The following CDH13 variants were observed in gnomAD, a reference collection of about 807,000 sequenced individuals.
The protein encoded by CDH13 is cadherin 13, also known as cadherin-13.
CDH13 carries 24 observed loss-of-function variants against 63.8 expected under a neutral mutation model. The ratio of observed to expected loss-of-function variants is 0.38; its 90% CI spans 0.27 to 0.53. The LOEUF is 0.53. Ranked by LOEUF, CDH13 falls within the 20% of genes least tolerant of loss-of-function variation. CDH13 has a pLI of 0.85. For missense variants in CDH13, 1,049 were observed against 903.1 expected (o/e 1.16, Z -2.07); for synonymous variants, 503 against 355.3 (o/e 1.42, Z -4.67).
chr16:82,742,796 A>C (rs1048712283), intron 1 of CDH13, among the ~76,000 whole-genome samples: 6 of 152,224 alleles, frequency 3.9e-5, no homozygotes, highest in Non-Finnish European at 8.8e-5. Context: ...TTTAAAATAG[A>C]AACTATCCAT....
intron 2 of CDH13, among the ~76,000 whole-genome samples, chr16:82,862,356 C>A (rs1010571187): frequency 2.0e-5 from 3 of 152,188 alleles, no homozygotes; most frequent in African/African-American, 7.2e-5. Context: ...CTATGTTCTG[C>A]AAAATTATAA....
rs1304934076 is a variant in CDH13 at position 83,006,916 on chromosome 16, G to GTTTT, written c.158-25091_158-25090insTTTT. On this transcript the variant is annotated intron_variant, in intron 2 of 13. Transcript: ENST00000567109. Reference sequence around the variant, plus strand: ...CAGTTTTGATTTTTTTTGTTTGTTTGTTTGTTTGTTTGTTTGTTTTTTTTG... The same window carrying GTTTT: ...CAGTTTTGATTTTTTTTGTTTGTTTGTTTTTTTGTTTGTTTGTTTGTTTTTTTTG... Among the ~76,000 whole-genome samples, 4 of 120,376 alleles carry GTTTT rather than the reference G, an allele frequency of 3.3e-5. 1 individual carries two copies. The highest frequency in any genetic ancestry group is 1.2e-4 in the African/African-American group (4 of 33,044). The allele number at this position is 120,376 out of a possible 152,430, so 79.0% of individuals were successfully genotyped here. A position where few individuals can be genotyped will look rare whatever the true frequency, so the allele number is the denominator to read the frequency against.
chr16:83,770,089 A>G (rs548150498), intron 11 of CDH13, among the ~76,000 whole-genome samples: 1 of 152,190 alleles, frequency 6.6e-6, no homozygotes, highest in African/African-American at 2.4e-5. Flanking sequence ...CCTGTTTCTC[A>G]TTGCATCCAC....
chr16:83,490,500 G>C (rs903369059), intron 7 of CDH13, among the ~76,000 whole-genome samples: 1 of 152,150 alleles, frequency 6.6e-6, no homozygotes, highest in Admixed American at 6.5e-5. Context: ...AGCCATCTGA[G>C]GCAGGTGCAC....
At chr16:82,861,333 G>T (rs573673211) in intron 2 of CDH13, among the ~76,000 whole-genome samples, 20 of 152,248 alleles carry the variant, frequency 1.3e-4, no homozygotes, top group African/African-American at 4.3e-4. Context: ...CTTTTGTGTT[G>T]CAGGGGGTGT....
chr16:83,039,087 A>T (rs188976208), intron 3 of CDH13, among the ~76,000 whole-genome samples: 1 of 152,312 alleles, frequency 6.6e-6, no homozygotes, highest in Non-Finnish European at 1.5e-5. Context: ...GTCCTTATGA[A>T]CAAAGCAAAA....
chr16:82,953,710 G>A (rs1351297080), intron 2 of CDH13: 1 of 152,032 alleles, frequency 6.6e-6, no homozygotes, highest in South Asian at 2.1e-4. Context: ...ATAATGAACT[G>A]GGTGCTCAGT....
At chr16:83,403,254 C>A (rs1021370499) in intron 6 of CDH13, among the ~76,000 whole-genome samples, 5 of 152,160 alleles carry the variant, frequency 3.3e-5, no homozygotes, top group African/African-American at 1.2e-4. Context: ...GGGTCACCCC[C>A]TGCTTCACAG....
chr16:83,128,058 C>G (rs1385135920), intron 4 of CDH13, among the ~76,000 whole-genome samples: 1 of 152,138 alleles, frequency 6.6e-6, no homozygotes, highest in Admixed American at 6.5e-5. Context: ...ACTCAAGATG[C>G]ATTCTCGTTT....
intron 6 of CDH13, among the ~76,000 whole-genome samples, chr16:83,405,260 C>A (rs949673741): frequency 6.6e-6 from 1 of 152,132 alleles, no homozygotes; most frequent in African/African-American, 2.4e-5. Flanking sequence ...AAGCTTATCC[C>A]CCATCCCCCT....
chr16:82,996,333 C>G (rs184707600), intron 2 of CDH13, among the ~76,000 whole-genome samples: 1 of 152,268 alleles, frequency 6.6e-6, no homozygotes, highest in African/African-American at 2.4e-5. Context: ...GCTTCCTGAA[C>G]TGGAACAACA....
intron 2 of CDH13, among the ~76,000 whole-genome samples, chr16:82,874,401 C>A (rs540053048): frequency 6.6e-6 from 1 of 152,138 alleles, no homozygotes; most frequent in South Asian, 2.1e-4. Flanking sequence ...ACCCCTCAAC[C>A]CCTCTACTAC....
chr16:83,513,398 C>T (rs542312846), intron 7 of CDH13, among the ~76,000 whole-genome samples: 2 of 152,176 alleles, frequency 1.3e-5, no homozygotes, highest in East Asian at 3.9e-4. Context: ...GAAAACTTCT[C>T]CAAAAAGTGC....
intron 7 of CDH13, among the ~76,000 whole-genome samples, chr16:83,545,068 G>A (rs2075361500): frequency 6.6e-6 from 1 of 152,132 alleles, no homozygotes; most frequent in Non-Finnish European, 1.5e-5. Context: ...ATCTCCTTCA[G>A]GGAGTACTTA....
intron 7 of CDH13, among the ~76,000 whole-genome samples, chr16:83,583,515 G>A (rs968943858): frequency 1.3e-5 from 2 of 152,188 alleles, no homozygotes; most frequent in African/African-American, 4.8e-5. Flanking sequence ...CTGTGCACCA[G>A]GTCACATGGT....
chr16:83,109,148 C>T (rs569290796), intron 3 of CDH13, among the ~76,000 whole-genome samples: 5 of 152,212 alleles, frequency 3.3e-5, no homozygotes, highest in African/African-American at 7.2e-5. Context: ...CCAGAAGTCA[C>T]GAGGATCCCT....
At chr16:82,735,985 C>A (rs896842213) in intron 1 of CDH13, among the ~76,000 whole-genome samples, 2 of 152,174 alleles carry the variant, frequency 1.3e-5, no homozygotes, top group Non-Finnish European at 2.9e-5. Flanking sequence ...TTGAATTCAG[C>A]CAAGCTAGTC....
intron 7 of CDH13, among the ~76,000 whole-genome samples, chr16:83,538,447 G>C (rs1039625404): frequency 2.0e-5 from 3 of 152,166 alleles, no homozygotes; most frequent in Admixed American, 6.5e-5. Context: ...AAAAAATGCA[G>C]TCTGAATTGA....
chr16:82,784,459 C>A (rs759137656), intron 1 of CDH13, among the ~76,000 whole-genome samples: 1 of 152,152 alleles, frequency 6.6e-6, no homozygotes, highest in Non-Finnish European at 1.5e-5. Flanking sequence ...ATGCTCTCCC[C>A]CACACCCTGC....
Sources: allele counts gnomAD v4.1 joint callset (sites outside exome capture counted in the v4.1 genomes callset), GRCh38; gene constraint gnomAD v4.1.1; transcripts MANE v1.5; gene names NCBI Gene and HGNC (gene_info 2026-07-23, HGNC 2026-07-21).